The following TSHR variants were observed in gnomAD, a reference collection of about 807,000 sequenced individuals.
TSHR encodes thyroid stimulating hormone receptor.
In TSHR, 51 loss-of-function variants were observed where a neutral mutation model predicts 64.1. The ratio of observed to expected loss-of-function variants is 0.80; its 90% CI spans 0.64 to 1.01. TSHR has a LOEUF of 1.01. Ranked by LOEUF, TSHR falls within the 50% of genes least tolerant of loss-of-function variation. TSHR has a pLI of 0.00. For synonymous variants in TSHR, 361 were observed against 361.9 expected (o/e 1.00, Z 0.03); for missense variants, 877 against 942.8 (o/e 0.93, Z 0.91).
chr14:81,139,360 TG>T (rs368101914), intron 8 of TSHR, among the ~76,000 whole-genome samples: 4 of 152,204 alleles, frequency 2.6e-5, no homozygotes, highest in African/African-American at 9.6e-5. Context: ...CATAGTCACA[TG>T]GTGGCATGTT....
chr14:81,134,045 C>A (rs1454982571), intron 8 of TSHR, among the ~76,000 whole-genome samples: 1 of 152,156 alleles, frequency 6.6e-6, no homozygotes, highest in African/African-American at 2.4e-5. Context: ...GGGTTTAAGT[C>A]CAGATAGTGT....
chr14:81,083,686 A>G lies in TSHR; in HGVS notation c.318-4268A>G, dbSNP rs74664384. ...CACACCCTCCCTCAGGTGAAAAAAA[A>G]GTACACTGTTTCTTTTTACCCTTTA... On this transcript the variant is annotated intron_variant, in intron 3 of 9. Transcript: ENST00000298171. 1.5e-3 allele frequency among the ~76,000 whole-genome samples: 223 copies of G among 152,282 alleles called. 1 individual carries two copies. Among genetic ancestry groups the G allele is most frequent in the African/African-American group, 5.1e-3 (211 of 41,548 alleles).
At chr14:80,991,959 A>G (rs2139742066) in intron 1 of TSHR, 1 of 198,518 alleles carries the variant, frequency 5.0e-6, no homozygotes, top group South Asian at 1.9e-4. Context: ...AAAAGGATAA[A>G]AGGTGCTTTT....
chr14:81,082,600 G>A lies in TSHR; in HGVS notation c.318-5354G>A, dbSNP rs960032147. Among the ~76,000 whole-genome samples, 9 of 152,170 alleles carry A rather than the reference G, an allele frequency of 5.9e-5. No individual in the cohort carries two copies. The East Asian group carries it at 9.6e-4, about 16-fold the overall frequency. ...TCTGGTCCTCCTGATCCCACAACAC[G>A]GGCATTTAAAAGTAAACGGGAAAAA... On this transcript the variant is annotated intron_variant, in intron 3 of 9. Coordinates refer to ENST00000298171, the MANE Select transcript of TSHR (RefSeq NM_000369.5).
chr14:81,059,972 T>C (rs1046927420), intron 1 of TSHR, among the ~76,000 whole-genome samples: 4 of 152,142 alleles, frequency 2.6e-5, no homozygotes, highest in African/African-American at 9.7e-5. Flanking sequence ...AATAGAAACA[T>C]TATTTGAACC....
chr14:81,037,424 C>CAAAAAAA (rs1884691823), intron 1 of TSHR, among the ~76,000 whole-genome samples: 1 of 114,232 alleles, frequency 8.8e-6, no homozygotes, highest in African/African-American at 3.5e-5. Flanking sequence ...AAATACAAAA[C>CAAAAAAA]AAACAAACAA....
At chr14:81,011,150 A>G (rs1327417377) in intron 1 of TSHR, among the ~76,000 whole-genome samples, 1 of 152,094 alleles carries the variant, frequency 6.6e-6, no homozygotes, top group Non-Finnish European at 1.5e-5. Context: ...TGGTGTCAAG[A>G]TTGTACTAGC....
chr14:81,034,129 G>C (rs569339646), intron 1 of TSHR, among the ~76,000 whole-genome samples: 3 of 152,322 alleles, frequency 2.0e-5, no homozygotes, highest in African/African-American at 7.2e-5. Context: ...CAGAGGTAGA[G>C]ACCTGCTGCC....
chr14:81,123,128 G>GA (rs3837639), intron 8 of TSHR, among the ~76,000 whole-genome samples: 47 of 137,564 alleles, frequency 3.4e-4, no homozygotes, highest in South Asian at 4.6e-4. Context: ...CTCCGTCTAA[G>GA]AAAAAAAAAA....
At chr14:81,027,570 G>A (rs1333479530) in intron 1 of TSHR, among the ~76,000 whole-genome samples, 1 of 152,074 alleles carries the variant, frequency 6.6e-6, no homozygotes, top group Non-Finnish European at 1.5e-5. Flanking sequence ...AGTTCTCAGG[G>A]TAACAAAGTA....
intron 1 of TSHR, among the ~76,000 whole-genome samples, chr14:81,037,448 A>AC (rs1555373450): frequency 1.2e-4 from 15 of 128,538 alleles, no homozygotes; most frequent in East Asian, 2.4e-4. Context: ...AACAAACAAA[A>AC]AACAGAAAAT....
chr14:81,029,257 T>G (rs10130066), intron 1 of TSHR, among the ~76,000 whole-genome samples: 14,458 of 151,788 alleles, frequency 0.095, 2,304 homozygotes, highest in African/African-American at 0.33. Flanking sequence ...ATCTTCAGGG[T>G]TTTTTTTAAT....
At chr14:81,134,328 G>C (rs970849726) in intron 8 of TSHR, among the ~76,000 whole-genome samples, 1 of 151,980 alleles carries the variant, frequency 6.6e-6, no homozygotes, top group African/African-American at 2.4e-5. Context: ...GTAGATACTG[G>C]TTTCTCCATG....
intron 8 of TSHR, among the ~76,000 whole-genome samples, chr14:81,113,191 A>G (rs1890305467): frequency 6.6e-6 from 1 of 152,248 alleles, no homozygotes; most frequent in Non-Finnish European, 1.5e-5. Context: ...CTAAGACAGC[A>G]GCAGTAGAGA....
At chr14:81,032,824 T>C in intron 1 of TSHR, 1 of 386,262 alleles carries the variant, frequency 2.6e-6, no homozygotes, top group South Asian at 2.3e-5. Flanking sequence ...GTTAAGATGC[T>C]AAGATACTAT....
At chr14:81,121,341 A>G (rs1017771841) in intron 8 of TSHR, among the ~76,000 whole-genome samples, 1 of 152,214 alleles carries the variant, frequency 6.6e-6, no homozygotes, top group African/African-American at 2.4e-5. Flanking sequence ...AGAAGACCAT[A>G]GATAGAATAC....
At chr14:81,123,046 G>A (rs1277533242) in intron 8 of TSHR, among the ~76,000 whole-genome samples, 1 of 151,978 alleles carries the variant, frequency 6.6e-6, no homozygotes, top group African/African-American at 2.4e-5. Context: ...AGAATCGCTT[G>A]AACCTGGGAA....
rs144050337 is a variant in TSHR at position 81,037,774 on chromosome 14, C to T, written c.171-24374C>T. Reference sequence around the variant, plus strand: ...TATACTAAAGGGGTCAATTAGCAACCAATTAAAACAATTCTAAATAGATAT... The same window carrying T: ...TATACTAAAGGGGTCAATTAGCAACTAATTAAAACAATTCTAAATAGATAT... On this transcript the variant is annotated intron_variant, in intron 1 of 9. Coordinates refer to ENST00000298171, the MANE Select transcript of TSHR (RefSeq NM_000369.5). 5.6e-3 allele frequency among the ~76,000 whole-genome samples: 852 copies of T among 151,962 alleles called. 9 individuals carry two copies. The highest frequency in any genetic ancestry group is 0.031 in the Middle Eastern group (9 of 294).
At chr14:80,976,423 C>T (rs1186371789) in intron 1 of TSHR, among the ~76,000 whole-genome samples, 1 of 152,168 alleles carries the variant, frequency 6.6e-6, no homozygotes, top group Non-Finnish European at 1.5e-5. Flanking sequence ...ATCTCTCTTC[C>T]ACTGTTCATT....
Sources: gnomAD v4.1 joint callset for allele counts (sites outside exome capture counted in the v4.1 genomes callset) on GRCh38, gnomAD v4.1.1 for gene constraint, MANE v1.5 for transcripts, NCBI Gene and HGNC (gene_info 2026-07-23, HGNC 2026-07-21) for gene names.